Variants in AK5 observed in about 807,000 individuals in gnomAD.
AK5 encodes the protein adenylate kinase 5.
In AK5, 27 loss-of-function variants were observed where a neutral mutation model predicts 69.5. The observed-to-expected ratio is 0.39, with a 90% CI of 0.29 to 0.54. The LOEUF (loss-of-function observed/expected upper bound fraction) is 0.54, where lower values mean the gene tolerates loss of function less well. Among genes scored for constraint, AK5 ranks in the 20% least tolerant of loss-of-function variants. The pLI is 0.71. For missense variants in AK5, 531 were observed against 700.4 expected (o/e 0.76, Z 2.73); for synonymous variants, 260 against 244.4 (o/e 1.06, Z -0.60).
intron 10 of AK5, among the ~76,000 whole-genome samples, 191 bp from the exon 11 acceptor site, chr1:77,518,373 T>A (rs368856892): frequency 5.9e-5 from 9 of 152,214 alleles, no homozygotes; most frequent in African/African-American, 2.2e-4. Context: ...CTAAGCTCTT[T>A]AAAGGCAAGG....
At chr1:77,407,760 T>G (rs1400971396) in intron 6 of AK5, among the ~76,000 whole-genome samples, 2 of 152,082 alleles carry the variant, frequency 1.3e-5, no homozygotes, top group Non-Finnish European at 2.9e-5. Flanking sequence ...AATAGATAGT[T>G]TTTCAAACTT....
chr1:77,458,387 C>T (rs1192134115), intron 8 of AK5, among the ~76,000 whole-genome samples: 1 of 152,188 alleles, frequency 6.6e-6, no homozygotes, highest in Non-Finnish European at 1.5e-5. Context: ...ATCATCTCCC[C>T]ATCTTAAGAT....
chr1:77,296,837 G>A (rs1659032709), intron 3 of AK5, among the ~76,000 whole-genome samples: 1 of 152,174 alleles, frequency 6.6e-6, no homozygotes, highest in Admixed American at 6.5e-5. Flanking sequence ...TAGAGATCTA[G>A]TTTATTTCCT....
chr1:77,551,246 CA>C, intron 13 of AK5, among the ~76,000 whole-genome samples: 1 of 152,136 alleles, frequency 6.6e-6, no homozygotes, highest in Non-Finnish European at 1.5e-5. Context: ...CACACACACA[CA>C]CCTTCTATAA....
At chr1:77,310,379 T>C (rs1482013364) in intron 5 of AK5, among the ~76,000 whole-genome samples, 1 of 151,996 alleles carries the variant, frequency 6.6e-6, no homozygotes, top group Admixed American at 6.6e-5. Flanking sequence ...TTTTTTTGGT[T>C]TTTATTTTTT....
At chr1:77,357,778 A>G (rs1662610877) in intron 6 of AK5, among the ~76,000 whole-genome samples, 1 of 152,210 alleles carries the variant, frequency 6.6e-6, no homozygotes, top group Non-Finnish European at 1.5e-5. Flanking sequence ...TTCAGAAGAA[A>G]TGTCAACCAC....
At chr1:77,492,881 G>A (rs1656079944) in intron 10 of AK5, among the ~76,000 whole-genome samples, 1 of 152,202 alleles carries the variant, frequency 6.6e-6, no homozygotes, top group Admixed American at 6.5e-5. Context: ...ACTGAAGGGA[G>A]GGCAAAGAAA....
chr1:77,341,491 C>T (rs992619548), intron 6 of AK5, among the ~76,000 whole-genome samples: 3 of 152,244 alleles, frequency 2.0e-5, no homozygotes, highest in Admixed American at 6.5e-5. Flanking sequence ...CTAATCAAAG[C>T]GATGCATGCC....
chr1:77,421,722 G>A (rs1650827854), intron 8 of AK5, among the ~76,000 whole-genome samples: 2 of 152,252 alleles, frequency 1.3e-5, no homozygotes, highest in Middle Eastern at 3.4e-3. Flanking sequence ...ACAGGCTGCA[G>A]CACCTGCCTC....
chr1:77,423,044 T>C (rs979085627), intron 8 of AK5, among the ~76,000 whole-genome samples: 1 of 151,670 alleles, frequency 6.6e-6, no homozygotes, highest in African/African-American at 2.4e-5. Context: ...TGAAACCTTG[T>C]CTCTACTAAA....
intron 8 of AK5, among the ~76,000 whole-genome samples, chr1:77,458,449 G>A (rs554355851): frequency 2.6e-5 from 4 of 152,066 alleles, no homozygotes; most frequent in Admixed American, 6.6e-5. Flanking sequence ...AAGTGTATTC[G>A]TCCATTTTCA....
chr1:77,378,385 G>A (rs1261072306), intron 6 of AK5, among the ~76,000 whole-genome samples: 2 of 152,140 alleles, frequency 1.3e-5, no homozygotes, highest in African/African-American at 4.8e-5. Context: ...GCAATGGCAC[G>A]ATATCAGCTC....
At position 77,559,747 on chromosome 1, in the gene AK5, A is replaced by T. The variant is rs770643488; in HGVS notation, c.*1077A>T. 1.3e-5 allele frequency: 2 copies of T among 152,198 alleles called. No homozygotes were observed. Among genetic ancestry groups the T allele is most frequent in the Non-Finnish European group, 2.9e-5 (2 of 68,018 alleles). The allele number at this position is 152,198 out of a possible 1,614,324, so 9.4% of individuals were successfully genotyped here. A position where few individuals can be genotyped will look rare whatever the true frequency, so the allele number is the denominator to read the frequency against. The stretch of plus-strand genomic sequence containing the variant: ...AGTTTGGGTTCTCTTTTGTGCTATC[A>T]ATCAGTTGTAAAATCAGAGCTGCTT... On this transcript the variant is annotated 3_prime_UTR_variant, in exon 14 of 14. Coordinates refer to ENST00000354567, the MANE Select transcript of AK5 (RefSeq NM_174858.3).
At chr1:77,330,465 C>A (rs1306237065) in intron 5 of AK5, among the ~76,000 whole-genome samples, 2 of 152,118 alleles carry the variant, frequency 1.3e-5, no homozygotes, top group Non-Finnish European at 2.9e-5. Flanking sequence ...ATATGGACAT[C>A]CACTTTACCC....
rs530859296 is a variant in AK5, at chr1:77,443,545, A to G, written c.1059+25830A>G. On this transcript the variant is annotated intron_variant, in intron 8 of 13. Coordinates refer to ENST00000354567, the MANE Select transcript of AK5 (RefSeq NM_174858.3). ...TCTTCTTCTTTCTTTCCTTCTTGAG[A>G]GGGAGGGCCTATCAGTACTTCTTTT... Among the ~76,000 whole-genome samples the G allele has an allele frequency of 7.9e-5, 12 of 152,212 alleles. No homozygotes were observed. In the East Asian group the frequency reaches 2.3e-3, roughly 29 times the overall value.
At chr1:77,444,376 C>CGTG (rs1652579953) in intron 8 of AK5, among the ~76,000 whole-genome samples, 1 of 35,110 alleles carries the variant, frequency 2.8e-5, no homozygotes, top group African/African-American at 1.3e-4. Context: ...TAAATATATA[C>CGTG]TATATATAGT....
chr1:77,393,454 T>G (rs1648620653), intron 6 of AK5, among the ~76,000 whole-genome samples: 1 of 152,228 alleles, frequency 6.6e-6, no homozygotes, highest in Non-Finnish European at 1.5e-5. Context: ...ATTGTTATAA[T>G]GGTATTTATG....
intron 12 of AK5, among the ~76,000 whole-genome samples, chr1:77,533,930 C>G (rs1156434052): frequency 6.6e-6 from 1 of 152,020 alleles, no homozygotes; most frequent in Non-Finnish European, 1.5e-5. Flanking sequence ...CCCAGCCTTT[C>G]TTGCTGCACA....
intron 1 of AK5, among the ~76,000 whole-genome samples, chr1:77,285,046 G>C (rs1658272935): frequency 6.6e-6 from 1 of 152,126 alleles, no homozygotes; most frequent in South Asian, 2.1e-4. Context: ...AGAACATATG[G>C]GTTTTGGAAT....
Sources: gnomAD v4.1 joint callset for allele counts (sites outside exome capture counted in the v4.1 genomes callset) on GRCh38, gnomAD v4.1.1 for gene constraint, MANE v1.5 for transcripts, NCBI Gene and HGNC (gene_info 2026-07-23, HGNC 2026-07-21) for gene names.